CACHD1: variants seen among roughly 807,000 people sequenced by gnomAD.
CACHD1 encodes the protein VWFA and cache domain-containing protein 1.
In CACHD1, 71 loss-of-function variants were observed where a neutral mutation model predicts 138.7. The observed-to-expected ratio is 0.51, with a 90% CI of 0.42 to 0.62. CACHD1 has a LOEUF of 0.62. CACHD1 is among the 20% of genes least tolerant of loss of function. CACHD1 has a pLI of 0.00. For missense variants in CACHD1, 1,389 were observed against 1,625.3 expected (o/e 0.85, Z 2.50); for synonymous variants, 578 against 591.5 (o/e 0.98, Z 0.33).
intron 16 of CACHD1, 89 bp from the exon 17 acceptor site, chr1:64,671,475 A>G (rs1052874178): frequency 2.1e-6 from 3 of 1,413,618 alleles, no homozygotes; most frequent in African/African-American, 2.8e-5. Context: ...AGGTATTTCT[A>G]ATACCAAACA....
rs145348978 is a variant in CACHD1 at position 64,591,757 on chromosome 1, C to T, written c.410+9453C>T. The stretch of plus-strand genomic sequence containing the variant: ...GAGGAGGCCTGGACTTGGATGTTGG[C>T]TCCTACTTCTTGAGTTTTGGAAGAG... On this transcript the variant is annotated intron_variant, in intron 3 of 26. Transcript: ENST00000651257. Among the ~76,000 whole-genome samples the T allele has an allele frequency of 3.3e-3, 509 of 152,322 alleles. 1 individual carries two copies. The highest frequency in any genetic ancestry group is 6.5e-3 in the Non-Finnish European group (443 of 68,024).
chr1:64,673,115 A>C, intron 17 of CACHD1, 43 bp from the exon 18 acceptor site: 8 of 1,523,962 alleles, frequency 5.2e-6, no homozygotes, highest in Non-Finnish European at 7.2e-6. Flanking sequence ...AAAAAAAAAA[A>C]AACAGCTGAT....
chr1:64,664,561 G>C lies in CACHD1; in HGVS notation c.2158G>C (p.Glu720Gln), dbSNP rs766735725. Residue 720 changes from glutamate (E) to glutamine (Q), a missense_variant, in exon 15 of 27, where the codon GAA (glutamate) becomes CAA (glutamine). Coordinates refer to ENST00000651257, the MANE Select transcript of CACHD1 (RefSeq NM_020925.4). ...HVTDEWMTQM[E>Q]MSSLNTYIVR... is the part of the protein sequence containing the mutation. The stretch of plus-strand genomic sequence containing the variant: ...CACAGATGAATGGATGACACAAATG[G>C]AAATGAGTAGCCTGAACACTTACAT... The C allele has an allele frequency of 1.2e-6, 2 of 1,614,048 alleles. No individual in the cohort carries two copies. Among genetic ancestry groups the C allele is most frequent in the African/African-American group, 2.7e-5 (2 of 74,916 alleles).
chr1:64,473,075 C>T (rs973571333), intron 1 of CACHD1, among the ~76,000 whole-genome samples: 3 of 152,078 alleles, frequency 2.0e-5, no homozygotes, highest in African/African-American at 7.2e-5. Context: ...GGGGTTTGTG[C>T]CCAAATGGTC....
At chr1:64,688,995 G>T (rs949105926) in intron 26 of CACHD1, among the ~76,000 whole-genome samples, 2 of 152,092 alleles carry the variant, frequency 1.3e-5, no homozygotes, top group African/African-American at 4.8e-5. Context: ...TAGCACATGG[G>T]TGTTTCCCCT....
intron 7 of CACHD1, among the ~76,000 whole-genome samples, chr1:64,634,812 G>A (rs111672040): frequency 0.042 from 6,440 of 151,984 alleles, 460 homozygotes; most frequent in African/African-American, 0.14. Context: ...GGCCAATATG[G>A]TGAAACCCCA....
intron 2 of CACHD1, among the ~76,000 whole-genome samples, chr1:64,566,526 A>G (rs1318251903): frequency 7.5e-6 from 1 of 133,460 alleles, no homozygotes; most frequent in Non-Finnish European, 1.6e-5. Flanking sequence ...GTCTTACCAC[A>G]GAATGGAAGG....
chr1:64,669,031 C>A (rs1431660752), intron 16 of CACHD1, among the ~76,000 whole-genome samples: 1 of 152,204 alleles, frequency 6.6e-6, no homozygotes, highest in East Asian at 1.9e-4. Context: ...TTTGTTTCCC[C>A]ACTTAGGAAA....
chr1:64,475,713 A>AT (rs1262746622), intron 1 of CACHD1, among the ~76,000 whole-genome samples: 14 of 151,596 alleles, frequency 9.2e-5, no homozygotes, highest in African/African-American at 1.2e-4. Context: ...CACCCGGCTA[A>AT]TTTTTTTTGT....
In CACHD1 at chr1:64,681,996, T is replaced by C; in HGVS notation, c.3485-9T>C. 6.2e-7 allele frequency: 1 copy of C among 1,613,688 alleles called. No individual in the cohort carries two copies. The highest frequency in any genetic ancestry group is 8.5e-7 in the Non-Finnish European group (1 of 1,179,604). ...AAGAGTGACATTAACTGTCCTTGGCTTCCTACAGTCAGCAACACTCGGTTT... is the reference window on the plus strand; with the variant it reads ...AAGAGTGACATTAACTGTCCTTGGCCTCCTACAGTCAGCAACACTCGGTTT... On this transcript the variant is annotated splice_polypyrimidine_tract_variant and intron_variant, in intron 25 of 26. Coordinates refer to ENST00000651257, the MANE Select transcript of CACHD1 (RefSeq NM_020925.4).
At chr1:64,530,625 C>T (rs1234155187) in intron 1 of CACHD1, among the ~76,000 whole-genome samples, 3 of 152,004 alleles carry the variant, frequency 2.0e-5, no homozygotes, top group African/African-American at 7.2e-5. Context: ...AATCCCAGCA[C>T]TTTGGGAGGC....
intron 1 of CACHD1, among the ~76,000 whole-genome samples, chr1:64,540,658 C>A (rs538096858): frequency 2.6e-5 from 4 of 152,156 alleles, no homozygotes; most frequent in Non-Finnish European, 4.4e-5. Flanking sequence ...ACCCGCTCTC[C>A]TGGTTTTGAA....
rs182077641 is a variant in CACHD1, at chr1:64,638,086, G to A, written c.1007-3734G>A. 1.1e-4 allele frequency among the ~76,000 whole-genome samples: 16 copies of A among 152,192 alleles called. No homozygotes were observed. The East Asian group carries it at 3.1e-3, about 29-fold the overall frequency. ...TATTCAGTTTCCTATAAGACTTCTA[G>A]CTCCAGCTAAACTAGATCAGATGCC... On this transcript the variant is annotated intron_variant, in intron 7 of 26. Coordinates refer to ENST00000651257, the MANE Select transcript of CACHD1 (RefSeq NM_020925.4).
intron 26 of CACHD1, among the ~76,000 whole-genome samples, chr1:64,682,564 A>G (rs986822889): frequency 6.6e-6 from 1 of 152,176 alleles, no homozygotes; most frequent in African/African-American, 2.4e-5. Context: ...ATTTGCACTG[A>G]GCCTTGAGGG....
intron 2 of CACHD1, among the ~76,000 whole-genome samples, chr1:64,558,388 C>T (rs1646814093): frequency 6.6e-6 from 1 of 152,202 alleles, no homozygotes; most frequent in Non-Finnish European, 1.5e-5. Flanking sequence ...GTCACCTTCT[C>T]AATGAGGTGA....
intron 1 of CACHD1, among the ~76,000 whole-genome samples, chr1:64,480,878 C>T (rs1196466253): frequency 6.7e-6 from 1 of 148,496 alleles, no homozygotes; most frequent in African/African-American, 2.5e-5. Flanking sequence ...TTCTTTCTCT[C>T]TCTCTCCCTT....
At chr1:64,566,491 A>C (rs368779681) in intron 2 of CACHD1, among the ~76,000 whole-genome samples, 57,667 of 108,086 alleles carry the variant, frequency 0.53, 18,989 homozygotes, top group Non-Finnish European at 0.7. Context: ...CCCCCCCCCC[A>C]CAAGGTATGG....
intron 4 of CACHD1, among the ~76,000 whole-genome samples, chr1:64,618,907 A>T (rs1405704821): frequency 6.6e-6 from 1 of 152,146 alleles, no homozygotes; most frequent in East Asian, 1.9e-4. Flanking sequence ...TGGGCTGGTC[A>T]TCAGGAAGCC....
At chr1:64,645,969 A>G (rs1218419139) in intron 8 of CACHD1, among the ~76,000 whole-genome samples, 1 of 152,158 alleles carries the variant, frequency 6.6e-6, no homozygotes. Context: ...TAGCATGACC[A>G]TGTTGATAAT....
Sources: allele counts gnomAD v4.1 joint callset (sites outside exome capture counted in the v4.1 genomes callset), GRCh38; gene constraint gnomAD v4.1.1; transcripts MANE v1.5; gene names NCBI Gene and HGNC (gene_info 2026-07-23, HGNC 2026-07-21).